ITGA2: variants seen among roughly 807,000 people sequenced by gnomAD.
The protein encoded by ITGA2 is integrin alpha-2.
ITGA2 carries 101 observed loss-of-function variants against 146.3 expected under a neutral mutation model. The ratio of observed to expected loss-of-function variants is 0.69; its 90% CI spans 0.59 to 0.81. The LOEUF (loss-of-function observed/expected upper bound fraction) is 0.81. Ranked by LOEUF, ITGA2 falls within the 40% of genes least tolerant of loss-of-function variation. The pLI, the probability that ITGA2 is intolerant of heterozygous loss-of-function variation, is 0.00. For synonymous variants in ITGA2, 477 were observed against 487.1 expected (o/e 0.98, Z 0.27); for missense variants, 1,281 against 1,402.7 (o/e 0.91, Z 1.39).
At chr5:53,077,846 T>C (rs1745732287) in intron 23 of ITGA2, among the ~76,000 whole-genome samples, 2 of 151,994 alleles carry the variant, frequency 1.3e-5, no homozygotes, top group South Asian at 2.1e-4. Flanking sequence ...CCACCCCAAG[T>C]TTTTAAGAAA....
rs1434520537 is a variant in ITGA2 at position 53,048,369 on chromosome 5, G to A, written c.394G>A (p.Gly132Ser). The A allele has an allele frequency of 2.5e-6, 4 of 1,612,494 alleles. No individual in the cohort carries two copies. Among genetic ancestry groups the A allele is most frequent in the Non-Finnish European group, 3.4e-6 (4 of 1,178,678 alleles). ...TTTTCTCATTTCTTTGAAGACATGT[G>A]GTCCTCTGTGGGCACAGCAATGTGG... ...NMGTGGFLTC[G>S]PLWAQQCGNQ... The change falls in exon 5 of 30, where the codon GGT becomes AGT. Residue 132 changes from glycine to serine, a missense_variant. Transcript: ENST00000296585.
chr5:53,005,650 G>GC (rs1446371748), intron 1 of ITGA2, among the ~76,000 whole-genome samples: 5 of 151,146 alleles, frequency 3.3e-5, no homozygotes, highest in Non-Finnish European at 5.9e-5. Flanking sequence ...CAAGAAGTGT[G>GC]CCCCCCTCAG....
chr5:53,044,526 T>C (rs1287877667), intron 3 of ITGA2, among the ~76,000 whole-genome samples: 1 of 151,964 alleles, frequency 6.6e-6, no homozygotes, highest in Admixed American at 6.6e-5. Context: ...TTTAGTATAT[T>C]ATATGACTCG....
intron 2 of ITGA2, among the ~76,000 whole-genome samples, chr5:53,037,303 A>G (rs531202468): frequency 2.0e-5 from 3 of 152,342 alleles, no homozygotes; most frequent in Admixed American, 1.3e-4. Flanking sequence ...AGAAAAGTTT[A>G]TATCTTGGGA....
intron 1 of ITGA2, among the ~76,000 whole-genome samples, chr5:53,020,683 A>G (rs1034524173): frequency 6.7e-6 from 1 of 149,846 alleles, no homozygotes; most frequent in African/African-American, 2.4e-5. Context: ...TATTATTATT[A>G]TTATTTTTTT....
intron 4 of ITGA2, among the ~76,000 whole-genome samples, chr5:53,046,418 A>G (rs1034674619): frequency 6.6e-6 from 1 of 151,994 alleles, no homozygotes; most frequent in South Asian, 2.1e-4. Context: ...TGCTTGTGAT[A>G]TGTGTTAACA....
intron 2 of ITGA2, among the ~76,000 whole-genome samples, chr5:53,030,019 C>T (rs969358770): frequency 2.0e-5 from 3 of 152,158 alleles, no homozygotes; most frequent in African/African-American, 7.2e-5. Flanking sequence ...GAGCCACCAT[C>T]AGTAATAGAC....
In ITGA2 at chr5:53,074,562, G is replaced by T; in HGVS notation, c.2664+85G>T. The stretch of plus-strand genomic sequence containing the variant: ...TACCAACATAACATCTTGCTATCAT[G>T]ATTTGATAGGCATCACAAAATAACT... On this transcript the variant is annotated intron_variant, in intron 21 of 29. Coordinates refer to ENST00000296585, the MANE Select transcript of ITGA2 (RefSeq NM_002203.4). 8 of 1,020,964 alleles carry T rather than the reference G, an allele frequency of 7.8e-6. No individual in the cohort carries two copies. The South Asian group carries it at 1.1e-4, about 13-fold the overall frequency. 63.2% of individuals were successfully genotyped at this position (1,020,964 alleles called of 1,614,324 possible).
At position 53,093,008 on chromosome 5, in the gene ITGA2, G is replaced by A. The variant is rs1487096359; in HGVS notation, c.*2409G>A. ...TAATCCCAGTTACTCGGGAAGCTGA[G>A]GCAGGAGAATCACTTGAACCCGGGA... On this transcript the variant is annotated 3_prime_UTR_variant, in exon 30 of 30. Coordinates refer to ENST00000296585, the MANE Select transcript of ITGA2 (RefSeq NM_002203.4). The A allele has an allele frequency of 2.0e-5, 3 of 152,512 alleles. No individual in the cohort carries two copies. The highest frequency in any genetic ancestry group is 3.9e-4 in the East Asian group (2 of 5,176). 9.4% of individuals were successfully genotyped at this position (152,512 alleles called of 1,614,324 possible).
chr5:53,019,112 A>C (rs1416361524), intron 1 of ITGA2, among the ~76,000 whole-genome samples: 1 of 152,010 alleles, frequency 6.6e-6, no homozygotes, highest in Non-Finnish European at 1.5e-5. Context: ...AATAAATAAA[A>C]CATTTTGTTT....
At chr5:53,029,933 C>T (rs1208048693) in intron 2 of ITGA2, among the ~76,000 whole-genome samples, 7 of 152,190 alleles carry the variant, frequency 4.6e-5, no homozygotes, top group Non-Finnish European at 7.4e-5. Flanking sequence ...ATAGACATGG[C>T]CTAGCTGAGG....
chr5:53,079,057 G>T (rs149700015), intron 24 of ITGA2, among the ~76,000 whole-genome samples, 183 bp downstream of exon 24: 1 of 152,134 alleles, frequency 6.6e-6, no homozygotes, highest in African/African-American at 2.4e-5. Flanking sequence ...TATCTCCAGC[G>T]TTTCTGATTC....
At chr5:53,087,410 T>A (rs567607040) in intron 28 of ITGA2, among the ~76,000 whole-genome samples, 22 of 152,310 alleles carry the variant, frequency 1.4e-4, no homozygotes, top group African/African-American at 5.1e-4. Flanking sequence ...CAAAATGGTC[T>A]GGAGCTTAGG....
chr5:53,033,746 T>C (rs1162829838), intron 2 of ITGA2, among the ~76,000 whole-genome samples: 1 of 149,968 alleles, frequency 6.7e-6, no homozygotes, highest in African/African-American at 2.5e-5. Context: ...TATAGGCATG[T>C]GCCACCATAC....
intron 26 of ITGA2, 71 bp from the exon 27 acceptor site, chr5:53,083,269 A>T: frequency 1.0e-6 from 1 of 980,852 alleles, no homozygotes; most frequent in Non-Finnish European, 1.6e-6. Context: ...ATCTAGCTTT[A>T]AAATTTTAGC....
At position 53,002,674 on chromosome 5, in the gene ITGA2, C is replaced by T. The variant is rs1248769166; in HGVS notation, c.64+13142C>T. Among the ~76,000 whole-genome samples the T allele has an allele frequency of 7.2e-5, 11 of 152,176 alleles. No individual in the cohort carries two copies. In the South Asian group the frequency reaches 2.3e-3, roughly 32 times the overall value. On this transcript the variant is annotated intron_variant, in intron 1 of 29. Transcript: ENST00000296585. ...TAATGTGGCTATAAACATCATTGTA[C>T]AAGAAGTTTTTTCTTTTCGTTTTAC...
At chr5:53,043,651 G>T (rs752648395) in intron 3 of ITGA2, among the ~76,000 whole-genome samples, 1 of 152,240 alleles carries the variant, frequency 6.6e-6, no homozygotes, top group South Asian at 2.1e-4. Flanking sequence ...CAATTCTATG[G>T]GATAGCAGTG....
chr5:53,070,960 C>T (rs768978742), intron 17 of ITGA2, among the ~76,000 whole-genome samples: 19 of 151,962 alleles, frequency 1.3e-4, no homozygotes, highest in Non-Finnish European at 1.9e-4. Context: ...AAAGAACTGC[C>T]AGGGAAACTT....
chr5:53,057,795 C>T (rs1744710539), intron 9 of ITGA2, among the ~76,000 whole-genome samples: 1 of 151,892 alleles, frequency 6.6e-6, no homozygotes, highest in African/African-American at 2.4e-5. Context: ...TTAATGCCAA[C>T]TTTGAACACT....
Sources: allele counts gnomAD v4.1 joint callset (sites outside exome capture counted in the v4.1 genomes callset), GRCh38; gene constraint gnomAD v4.1.1; transcripts MANE v1.5; gene names NCBI Gene and HGNC (gene_info 2026-07-23, HGNC 2026-07-21).